The following CIT variants were observed in gnomAD, a reference collection of about 807,000 sequenced individuals.
CIT encodes the protein citron rho-interacting serine/threonine kinase, also known as citron Rho-interacting kinase.
In CIT, 79 loss-of-function variants were observed where a neutral mutation model predicts 272.7. That is an observed-to-expected ratio of 0.29 (90% CI 0.24 to 0.35). CIT has a LOEUF of 0.35. CIT is among the 10% of genes least tolerant of loss of function. CIT has a pLI of 1.00. For missense variants in CIT, 1,909 were observed against 2,618.3 expected (o/e 0.73, Z 5.91); for synonymous variants, 948 against 995.6 (o/e 0.95, Z 0.90).
At chr12:119,796,499 G>A (rs910556773) in intron 10 of CIT, among the ~76,000 whole-genome samples, 1 of 152,190 alleles carries the variant, frequency 6.6e-6, no homozygotes, top group African/African-American at 2.4e-5. Context: ...GAAGGGTAGG[G>A]AAGGTGGTAG....
rs117652045 is a variant in CIT, at chr12:119,845,991, G to A, written c.516+4183C>T. 9.0e-4 allele frequency among the ~76,000 whole-genome samples: 123 copies of A among 137,250 alleles called. 3 individuals are homozygous for A. The East Asian group carries it at 0.022, about 24-fold the overall frequency. The allele number at this position is 137,250 out of a possible 152,430, so 90.0% of individuals were successfully genotyped here. A position where few individuals can be genotyped will look rare whatever the true frequency, so the allele number is the denominator to read the frequency against. ...ACACACACACACACACACAGAAAAA[G>A]GAAAGTTATTTCTACTATGACAAAA... On this transcript the variant is annotated intron_variant, in intron 5 of 47. Coordinates refer to ENST00000392521, the MANE Select transcript of CIT (RefSeq NM_001206999.2).
chr12:119,745,351 A>C (rs1959203618), intron 23 of CIT, among the ~76,000 whole-genome samples: 2 of 146,370 alleles, frequency 1.4e-5, no homozygotes, highest in African/African-American at 5.0e-5. Flanking sequence ...CAAAGTGCTG[A>C]AATAAAAAAC....
At chr12:119,719,901 C>G (rs1365036456) in intron 30 of CIT, among the ~76,000 whole-genome samples, 1 of 152,176 alleles carries the variant, frequency 6.6e-6, no homozygotes, top group Non-Finnish European at 1.5e-5. Context: ...TATAACCCTG[C>G]CCCTAGTTTG....
At chr12:119,705,000 C>T (rs1449815753) in intron 40 of CIT, among the ~76,000 whole-genome samples, 1 of 152,180 alleles carries the variant, frequency 6.6e-6, no homozygotes, top group Non-Finnish European at 1.5e-5. Flanking sequence ...GCAGCCTCCA[C>T]CTCCCGGCTT....
At position 119,752,262 on chromosome 12, in the gene CIT, G is replaced by C. The variant is rs1352026912; in HGVS notation, c.2707-15C>G. On this transcript the variant is annotated splice_polypyrimidine_tract_variant and intron_variant, in intron 22 of 47. Transcript: ENST00000392521. ...TCTAGACTGACCTGAGACAGAGAGAGAGAGAGAAAGAGAGATAAACCCTTG... is the reference window on the plus strand; with the variant it reads ...TCTAGACTGACCTGAGACAGAGAGACAGAGAGAAAGAGAGATAAACCCTTG... The C allele has an allele frequency of 6.3e-7, 1 of 1,583,606 alleles. No homozygotes were observed. Among genetic ancestry groups the C allele is most frequent in the Non-Finnish European group, 8.6e-7 (1 of 1,166,028 alleles).
intron 19 of CIT, among the ~76,000 whole-genome samples, chr12:119,763,447 T>C (rs1962063736): frequency 6.6e-6 from 1 of 152,132 alleles, no homozygotes; most frequent in Non-Finnish European, 1.5e-5. Context: ...CAGACTGGTC[T>C]CGAATCCCTG....
At chr12:119,807,099 C>T (rs545486317) in intron 9 of CIT, among the ~76,000 whole-genome samples, 1 of 152,326 alleles carries the variant, frequency 6.6e-6, no homozygotes, top group South Asian at 2.1e-4. Flanking sequence ...CTCTAAGAAT[C>T]TCAGGCCCTG....
At chr12:119,801,989 T>C (rs984547305) in intron 10 of CIT, among the ~76,000 whole-genome samples, 2 of 152,224 alleles carry the variant, frequency 1.3e-5, no homozygotes, top group Non-Finnish European at 2.9e-5. Context: ...TCGTATCAAA[T>C]GCCCAATTCC....
At chr12:119,826,943 C>A (rs752029158) in intron 7 of CIT, among the ~76,000 whole-genome samples, 17 of 152,158 alleles carry the variant, frequency 1.1e-4, no homozygotes, top group African/African-American at 4.1e-4. Flanking sequence ...GCTCTTCCAG[C>A]CTGTAACTTG....
At chr12:119,735,047 C>A in intron 25 of CIT, 113 bp downstream of exon 25, 1 of 919,150 alleles carries the variant, frequency 1.1e-6, no homozygotes, top group African/African-American at 1.7e-5. Flanking sequence ...TTAAAAAGAG[C>A]CCAATTACTG....
chr12:119,742,181 T>A (rs1959089036), intron 24 of CIT, among the ~76,000 whole-genome samples: 1 of 152,136 alleles, frequency 6.6e-6, no homozygotes, highest in Admixed American at 6.5e-5. Context: ...CTTCCAACTA[T>A]CCTCTTCCCC....
intron 8 of CIT, among the ~76,000 whole-genome samples, chr12:119,824,491 AAC>A (rs1968004006): frequency 2.6e-5 from 4 of 152,218 alleles, no homozygotes; most frequent in Non-Finnish European, 5.9e-5. Flanking sequence ...ACTCATTGGC[AAC>A]AGTTTTTCTT....
chr12:119,853,314 ACT>A (rs928347503), intron 4 of CIT, among the ~76,000 whole-genome samples: 1 of 144,136 alleles, frequency 6.9e-6, no homozygotes, highest in African/African-American at 2.7e-5. Flanking sequence ...ACAAAGCAAG[ACT>A]CTGTCTCCAA....
At chr12:119,756,723 G>A (rs1470623889) in intron 22 of CIT, among the ~76,000 whole-genome samples, 1 of 152,086 alleles carries the variant, frequency 6.6e-6, no homozygotes, top group Non-Finnish European at 1.5e-5. Flanking sequence ...TTGGCCTCAG[G>A]TTCCCTGCCT....
In CIT at chr12:119,697,542, T is replaced by C. The variant is rs1281535499; in HGVS notation, c.5882+117A>G. 4.5e-6 allele frequency: 5 copies of C among 1,099,240 alleles called. No individual in the cohort carries two copies. Among genetic ancestry groups the C allele is most frequent in the Non-Finnish European group, 6.6e-6 (5 of 762,444 alleles). The allele number at this position is 1,099,240 out of a possible 1,614,324, so 68.1% of individuals were successfully genotyped here. A position where few individuals can be genotyped will look rare whatever the true frequency, so the allele number is the denominator to read the frequency against. On this transcript the variant is annotated intron_variant, in intron 46 of 47. Transcript: ENST00000392521. This position sits in a 1 kb window ranked among gnomAD's most constrained non-coding sequence, Gnocchi z 4.9. Reference sequence around the variant, plus strand: ...CGCAGATCGCAAACAAATGAATGGTTTGAGCTTAAGAACAAAGTGAAGATT... The same window carrying C: ...CGCAGATCGCAAACAAATGAATGGTCTGAGCTTAAGAACAAAGTGAAGATT...
At chr12:119,703,282 G>T (rs2136999225) in intron 41 of CIT, among the ~76,000 whole-genome samples, 1 of 152,296 alleles carries the variant, frequency 6.6e-6, no homozygotes, top group East Asian at 1.9e-4. Flanking sequence ...GGTGAAAGGT[G>T]CTTGTAAAAC....
At chr12:119,855,315 C>A (rs994345048) in intron 4 of CIT, among the ~76,000 whole-genome samples, 4 of 151,880 alleles carry the variant, frequency 2.6e-5, no homozygotes, top group African/African-American at 9.7e-5. Flanking sequence ...CCCAGCTACT[C>A]GGGAGGCTGA....
chr12:119,717,414 C>CTTTTTTTTTTTTTT lies in CIT; in HGVS notation c.4168+830_4168+831insAAAAAAAAAAAAAA, dbSNP rs765763044. Among the ~76,000 whole-genome samples the CTTTTTTTTTTTTTT allele has an allele frequency of 9.7e-4, 106 of 109,422 alleles. 2 individuals are homozygous for CTTTTTTTTTTTTTT. Among genetic ancestry groups the CTTTTTTTTTTTTTT allele is most frequent in the African/African-American group, 2.9e-3 (75 of 25,582 alleles). 71.8% of individuals were successfully genotyped at this position (109,422 alleles called of 152,430 possible). On this transcript the variant is annotated intron_variant, in intron 32 of 47. Transcript: ENST00000392521. Reference sequence around the variant, plus strand: ...ATTTTTTCATATTCTTTTTTCTTTTCTTTTCTTTTTTTTTTTTTTTTTTTG... The same window carrying CTTTTTTTTTTTTTT: ...ATTTTTTCATATTCTTTTTTCTTTTCTTTTTTTTTTTTTTTTTTCTTTTTTTTTTTTTTTTTTTG...
In CIT at chr12:119,708,187, C is replaced by T. The variant is rs538839818; in HGVS notation, c.5203G>A (p.Ala1735Thr). 4 of 1,581,528 alleles carry T rather than the reference C, an allele frequency of 2.5e-6. No individual in the cohort carries two copies. The African/African-American group carries it at 4.1e-5, about 16-fold the overall frequency. The change falls in exon 40 of 48, where the codon GCA (alanine) becomes ACA (threonine). Residue 1735 changes from alanine to threonine, a missense_variant. Physicochemically the swap from Ala to Thr is moderately conservative, Grantham distance 58 (BLOSUM62 0). Coordinates refer to ENST00000392521, the MANE Select transcript of CIT (RefSeq NM_001206999.2). ...EAVKGCHLFG[A>T]GKIENGLCIC... is the part of the protein sequence containing the mutation. ...CTCTGAGGGGAGCTTACCTTGCCTG[C>T]CCCAAACAAGTGGCAGCCCTTGACA...
Sources: gnomAD v4.1 joint callset for allele counts (sites outside exome capture counted in the v4.1 genomes callset) on GRCh38, gnomAD v4.1.1 for gene constraint, Gnocchi (gnomAD v3.1) non-coding constraint, MANE v1.5 for transcripts, NCBI Gene and HGNC (gene_info 2026-07-23, HGNC 2026-07-21) for gene names.